The following PLEKHH2 variants were observed in gnomAD, a reference collection of about 807,000 sequenced individuals.
PLEKHH2 encodes pleckstrin homology, MyTH4 and FERM domain containing H2, also known as pleckstrin homology domain-containing family H member 2.
Under a neutral mutation model 187.9 loss-of-function variants are expected in PLEKHH2, and 129 were observed. The ratio of observed to expected loss-of-function variants is 0.69; its 90% CI spans 0.59 to 0.79. The LOEUF (loss-of-function observed/expected upper bound fraction) is 0.79. Among genes scored for constraint, PLEKHH2 ranks in the 30% least tolerant of loss-of-function variants. The pLI, the probability that PLEKHH2 is intolerant of heterozygous loss-of-function variation, is 0.00. For synonymous variants in PLEKHH2, 686 were observed against 605.6 expected (o/e 1.13, Z -1.95); for missense variants, 2,076 against 1,751.2 (o/e 1.19, Z -3.31).
At position 43,712,390 on chromosome 2, in the gene PLEKHH2, A is replaced by C. The variant is rs2104521988; in HGVS notation, c.2460+7A>C. The C allele has an allele frequency of 1.2e-6, 2 of 1,613,382 alleles. No homozygotes were observed. Among genetic ancestry groups the C allele is most frequent in the East Asian group, 2.2e-5 (1 of 44,824 alleles). ...GAAGGGATTGCTCACTAAGGTAGGA[A>C]CCTCCTGTGCATAGCAATGTCCCAG... On this transcript the variant is annotated splice_region_variant and intron_variant, in intron 15 of 29. Transcript: ENST00000282406.
At chr2:43,640,686 C>T (rs1184614089) in intron 1 of PLEKHH2, among the ~76,000 whole-genome samples, 1 of 152,166 alleles carries the variant, frequency 6.6e-6, no homozygotes, top group Non-Finnish European at 1.5e-5. Context: ...CATTTTCTCT[C>T]ATAGCAAATA....
chr2:43,738,295 T>A, intron 19 of PLEKHH2, 46 bp from the exon 20 acceptor site: 2 of 1,465,986 alleles, frequency 1.4e-6, no homozygotes, highest in Non-Finnish European at 1.9e-6. Flanking sequence ...GCAGAATAAA[T>A]CTAATCACTC....
intron 3 of PLEKHH2, among the ~76,000 whole-genome samples, chr2:43,687,269 A>C (rs1338267273): frequency 6.6e-6 from 1 of 152,098 alleles, no homozygotes; most frequent in Non-Finnish European, 1.5e-5. Context: ...TCCTGCATTA[A>C]TTCTCTTAGG....
At chr2:43,644,945 G>A in intron 2 of PLEKHH2, 149 bp downstream of exon 2, 1 of 880,482 alleles carries the variant, frequency 1.1e-6, no homozygotes, top group South Asian at 2.4e-5. Context: ...GCCAGTGTTA[G>A]GGTAGATTGG....
intron 17 of PLEKHH2, among the ~76,000 whole-genome samples, chr2:43,727,498 T>C (rs912942534): frequency 6.6e-6 from 1 of 151,966 alleles, no homozygotes; most frequent in African/African-American, 2.4e-5. Context: ...ATTGAAATAA[T>C]TATTTATGTC....
At chr2:43,642,450 G>T (rs1665986011) in intron 1 of PLEKHH2, among the ~76,000 whole-genome samples, 1 of 152,046 alleles carries the variant, frequency 6.6e-6, no homozygotes, top group Non-Finnish European at 1.5e-5. Context: ...AATCTAGATG[G>T]TTTTTTATTT....
At chr2:43,651,917 T>C (rs1330179998) in intron 2 of PLEKHH2, among the ~76,000 whole-genome samples, 1 of 152,270 alleles carries the variant, frequency 6.6e-6, no homozygotes, top group Non-Finnish European at 1.5e-5. Context: ...TTTATGTTTG[T>C]AATTACTTTT....
intron 24 of PLEKHH2, 152 bp from the exon 25 acceptor site, chr2:43,753,467 C>G (rs763872818): frequency 3.8e-6 from 2 of 528,902 alleles, no homozygotes; most frequent in Non-Finnish European, 6.0e-6. Context: ...CTAAATAGAA[C>G]AGAAACAGAA....
At chr2:43,697,448 A>AT (rs918707607) in intron 7 of PLEKHH2, 92 bp downstream of exon 7, 10 of 1,056,982 alleles carry the variant, frequency 9.5e-6, no homozygotes, top group Non-Finnish European at 1.3e-5. Context: ...AATTTTCCTT[A>AT]TTTTTTTCTG....
rs564578093 is a variant in PLEKHH2, at chr2:43,742,822, C to G, written c.3303C>G (p.Pro1101=). The G allele has an allele frequency of 1.9e-6, 3 of 1,608,326 alleles. No homozygotes were observed. The highest frequency in any genetic ancestry group is 2.5e-6 in the Non-Finnish European group (3 of 1,177,770). The change falls in exon 22 of 30, where the codon CCC becomes CCG. Residue 1101 remains proline, a synonymous_variant. Transcript: ENST00000282406. ...AAAATGGTGACAGAGAAGCAAGACCCTCAAGGATGGAAATTCTTTCAACTC... is the reference window on the plus strand; with the variant it reads ...AAAATGGTGACAGAGAAGCAAGACCGTCAAGGATGGAAATTCTTTCAACTC... ...TQQNGDREAR[P]SRMEILSTLL... is the part of the protein sequence containing the mutation.
At chr2:43,759,146 G>C in intron 27 of PLEKHH2, 117 bp downstream of exon 27, 1 of 1,380,396 alleles carries the variant, frequency 7.2e-7, no homozygotes, top group Non-Finnish European at 9.6e-7. Context: ...ATCCAATAAT[G>C]TAAAGAAAAC....
At chr2:43,673,644 C>G (rs1219322228) in intron 2 of PLEKHH2, among the ~76,000 whole-genome samples, 3 of 152,110 alleles carry the variant, frequency 2.0e-5, no homozygotes, top group Admixed American at 6.5e-5. Flanking sequence ...TGTAACTATT[C>G]ATTGAACACC....
intron 19 of PLEKHH2, among the ~76,000 whole-genome samples, chr2:43,736,249 T>C (rs2104583188): frequency 6.6e-6 from 1 of 152,184 alleles, no homozygotes; most frequent in East Asian, 1.9e-4. Context: ...CAAACGCTTT[T>C]ATGTGTGCAA....
intron 2 of PLEKHH2, chr2:43,675,657 T>G (rs773917577): frequency 1.7e-5 from 27 of 1,614,008 alleles, no homozygotes; most frequent in Non-Finnish European, 2.3e-5. Flanking sequence ...ATTTCAGGCA[T>G]ATTGCCAGCT....
At chr2:43,655,720 C>T (rs934956890) in intron 2 of PLEKHH2, among the ~76,000 whole-genome samples, 1 of 152,142 alleles carries the variant, frequency 6.6e-6, no homozygotes, top group Non-Finnish European at 1.5e-5. Flanking sequence ...GGTTGGAAAT[C>T]TCACTTGGGG....
At chr2:43,716,203 A>T (rs1426502718) in intron 15 of PLEKHH2, among the ~76,000 whole-genome samples, 2 of 152,154 alleles carry the variant, frequency 1.3e-5, no homozygotes, top group East Asian at 1.9e-4. Flanking sequence ...ACTAAGGGGA[A>T]GGCCCCTGGA....
intron 25 of PLEKHH2, among the ~76,000 whole-genome samples, chr2:43,755,695 G>T (rs1005962774): frequency 6.6e-6 from 1 of 152,112 alleles, no homozygotes; most frequent in South Asian, 2.1e-4. Flanking sequence ...TCATTTGAAG[G>T]CTCCTTCAGT....
chr2:43,654,828 A>G (rs1259825713), intron 2 of PLEKHH2, among the ~76,000 whole-genome samples: 1 of 151,818 alleles, frequency 6.6e-6, no homozygotes, highest in Non-Finnish European at 1.5e-5. Flanking sequence ...GGAGTTCTAG[A>G]CCAGCCTGGA....
intron 2 of PLEKHH2, among the ~76,000 whole-genome samples, chr2:43,672,181 A>G (rs1667526717): frequency 6.6e-6 from 1 of 152,166 alleles, no homozygotes; most frequent in Non-Finnish European, 1.5e-5. Flanking sequence ...GTATTTCATA[A>G]TATTGTTATC....
Sources: allele counts gnomAD v4.1 joint callset (sites outside exome capture counted in the v4.1 genomes callset), GRCh38; gene constraint gnomAD v4.1.1; transcripts MANE v1.5; gene names NCBI Gene and HGNC (gene_info 2026-07-23, HGNC 2026-07-21).